Variants in KAZN observed in about 807,000 individuals in gnomAD.
KAZN encodes the protein kazrin.
Under a neutral mutation model 87.4 loss-of-function variants are expected in KAZN, and 40 were observed. The ratio of observed to expected loss-of-function variants is 0.46; its 90% CI spans 0.36 to 0.60. KAZN has a LOEUF of 0.60. Ranked by LOEUF, KAZN falls within the 20% of genes least tolerant of loss-of-function variation. KAZN has a pLI of 0.00. For synonymous variants in KAZN, 466 were observed against 458.3 expected (o/e 1.02, Z -0.22); for missense variants, 898 against 1,073.9 (o/e 0.84, Z 2.29).
rs184903271 is a variant in KAZN at position 14,995,670 on chromosome 1, G to A, written c.418+34795G>A. ...GACTGGTAACAGCTTGTGGATTCCA[G>A]CATCTGCAGGGGCTCAGTGGGAGCT... On this transcript the variant is annotated intron_variant, in intron 2 of 14. Coordinates refer to ENST00000376030, the MANE Select transcript of KAZN (RefSeq NM_201628.3). Among the ~76,000 whole-genome samples, 27 of 151,558 alleles carry A rather than the reference G, an allele frequency of 1.8e-4. No homozygotes were observed. The East Asian group carries it at 4.7e-3, about 26-fold the overall frequency.
chr1:14,033,283 G>A (rs781344930), intron 1 of KAZN, among the ~76,000 whole-genome samples: 4 of 152,186 alleles, frequency 2.6e-5, no homozygotes, highest in Admixed American at 6.5e-5. Flanking sequence ...GGAGCCACAA[G>A]TGAGCAATTT....
At chr1:14,574,738 G>T (rs975085424) in intron 2 of KAZN, among the ~76,000 whole-genome samples, 8 of 152,136 alleles carry the variant, frequency 5.3e-5, no homozygotes, top group Admixed American at 2.6e-4. Context: ...GAATGCTTAG[G>T]CACTGAGCAT....
At chr1:14,931,006 G>C (rs1232179696) in intron 1 of KAZN, among the ~76,000 whole-genome samples, 2 of 152,168 alleles carry the variant, frequency 1.3e-5, no homozygotes, top group African/African-American at 4.8e-5. Context: ...GCAGAGCCCT[G>C]AGAGGGAAAC....
chr1:14,990,618 G>C (rs1173061326), intron 2 of KAZN, among the ~76,000 whole-genome samples: 5 of 152,002 alleles, frequency 3.3e-5, no homozygotes, highest in Admixed American at 6.6e-5. Context: ...GACAACAGCA[G>C]AGTCATTGCA....
intron 2 of KAZN, among the ~76,000 whole-genome samples, chr1:15,012,979 C>T (rs986039116): frequency 1.2e-4 from 19 of 152,180 alleles, no homozygotes; most frequent in African/African-American, 3.6e-4. Flanking sequence ...AGGCACCAGG[C>T]GTGGTCCCAG....
At position 14,177,992 on chromosome 1, in the gene KAZN, G is replaced by A. The variant is rs1006112857; in HGVS notation, c.92-2443G>A. Among the ~76,000 whole-genome samples, 12 of 152,142 alleles carry A rather than the reference G, an allele frequency of 7.9e-5. No individual in the cohort carries two copies. In the East Asian group the frequency reaches 1.7e-3, roughly 22 times the overall value. On this transcript the variant is annotated intron_variant, in intron 1 of 16. Coordinates refer to the KAZN transcript ENST00000636203. ...GAATTGTAGTTTCCATAATCTCCACGTGTCATAGGAGGGACTCTGTGGGAG... is the reference window on the plus strand; with the variant it reads ...GAATTGTAGTTTCCATAATCTCCACATGTCATAGGAGGGACTCTGTGGGAG...
chr1:15,076,258 C>CCAATT (rs1348835504), intron 8 of KAZN, among the ~76,000 whole-genome samples: 1 of 152,172 alleles, frequency 6.6e-6, no homozygotes, highest in Non-Finnish European at 1.5e-5. Context: ...AGTGTGTGAG[C>CCAATT]CAATTCCAAA....
At chr1:14,033,351 G>A (rs1641407573) in intron 1 of KAZN, among the ~76,000 whole-genome samples, 1 of 152,216 alleles carries the variant, frequency 6.6e-6, no homozygotes, top group Admixed American at 6.5e-5. Context: ...TGACTGGCAA[G>A]GTCAGAGTCA....
At chr1:13,910,534 C>T (rs1002337279) in intron 1 of KAZN, among the ~76,000 whole-genome samples, 1 of 151,598 alleles carries the variant, frequency 6.6e-6, no homozygotes, top group Non-Finnish European at 1.5e-5. Flanking sequence ...GTGACACCTC[C>T]CCCACCTTGC....
At chr1:13,897,038 G>A (rs1387597257) in intron 1 of KAZN, among the ~76,000 whole-genome samples, 1 of 152,166 alleles carries the variant, frequency 6.6e-6, no homozygotes, top group Non-Finnish European at 1.5e-5. Flanking sequence ...GTCCCAGTTT[G>A]GCTGTTGCTG....
At chr1:14,070,810 G>A (rs1643219300) in intron 1 of KAZN, among the ~76,000 whole-genome samples, 2 of 152,134 alleles carry the variant, frequency 1.3e-5, no homozygotes, top group Admixed American at 1.3e-4. Context: ...AAGTGTTACT[G>A]AACTGTGTTT....
chr1:14,787,119 G>T (rs1219334005), intron 1 of KAZN, among the ~76,000 whole-genome samples: 2 of 152,150 alleles, frequency 1.3e-5, no homozygotes, highest in Non-Finnish European at 2.9e-5. Context: ...TTGGAGCTTT[G>T]ATTCTGAGTT....
chr1:13,965,452 G>A (rs1641909104), intron 1 of KAZN, among the ~76,000 whole-genome samples: 1 of 152,192 alleles, frequency 6.6e-6, no homozygotes, highest in South Asian at 2.1e-4. Context: ...AAAGTGGGTG[G>A]TGGTGTTTTG....
At chr1:14,977,883 CTTTTTTTTT>C (rs34375176) in intron 2 of KAZN, among the ~76,000 whole-genome samples, 15 of 91,116 alleles carry the variant, frequency 1.6e-4, no homozygotes, top group African/African-American at 5.5e-4. Context: ...GGGTGCACGT[CTTTTTTTTT>C]TTTTTTTTTT....
At position 15,116,935 on chromosome 1, in the gene KAZN, A is replaced by T. The variant is rs1290112888; in HGVS notation, c.*2300A>T. 1 of 152,136 alleles carries T rather than the reference A, an allele frequency of 6.6e-6. No individual in the cohort carries two copies. The highest frequency in any genetic ancestry group is 1.5e-5 in the Non-Finnish European group (1 of 68,024). The allele number at this position is 152,136 out of a possible 1,614,324, so 9.4% of individuals were successfully genotyped here. A position where few individuals can be genotyped will look rare whatever the true frequency, so the allele number is the denominator to read the frequency against. ...CCTGAGGCAACACGGGCAACCGCGA[A>T]TGCCTCTTTTGGTTTAAATTATGCC... On this transcript the variant is annotated 3_prime_UTR_variant, in exon 15 of 15. Coordinates refer to ENST00000376030, the MANE Select transcript of KAZN (RefSeq NM_201628.3).
chr1:15,059,407 C>T (rs1638585380), intron 5 of KAZN, among the ~76,000 whole-genome samples: 1 of 152,192 alleles, frequency 6.6e-6, no homozygotes, highest in Non-Finnish European at 1.5e-5. Context: ...AGTCAGAAGG[C>T]TGATGTGGCT....
rs200953995 is a variant in KAZN, at chr1:15,003,005, T to C, written c.419-31744T>C. ...AATAAAATAAAAATAAAAATAAACGTACACACACACACACACACACACACA... is the reference window on the plus strand; with the variant it reads ...AATAAAATAAAAATAAAAATAAACGCACACACACACACACACACACACACA... On this transcript the variant is annotated intron_variant, in intron 2 of 14. Coordinates refer to ENST00000376030, the MANE Select transcript of KAZN (RefSeq NM_201628.3). 1.6e-3 allele frequency among the ~76,000 whole-genome samples: 211 copies of C among 131,496 alleles called. 1 individual carries two copies. Among genetic ancestry groups the C allele is most frequent in the East Asian group, 5.5e-3 (20 of 3,608 alleles). The allele number at this position is 131,496 out of a possible 152,430, so 86.3% of individuals were successfully genotyped here.
chr1:14,624,437 C>A (rs865901033), intron 1 of KAZN, among the ~76,000 whole-genome samples: 15 of 150,214 alleles, frequency 1.0e-4, no homozygotes, highest in African/African-American at 3.0e-4. Flanking sequence ...AAAAAAAAAA[C>A]AACAAAAAAA....
At chr1:13,967,451 G>T (rs916263304) in intron 1 of KAZN, among the ~76,000 whole-genome samples, 1 of 152,170 alleles carries the variant, frequency 6.6e-6, no homozygotes, top group African/African-American at 2.4e-5. Flanking sequence ...GGAATCAGTG[G>T]TGGCCAGCAT....
Sources: allele counts gnomAD v4.1 joint callset (sites outside exome capture counted in the v4.1 genomes callset), GRCh38; gene constraint gnomAD v4.1.1; transcripts MANE v1.5; gene names NCBI Gene and HGNC (gene_info 2026-07-23, HGNC 2026-07-21).